Variants in RPL31 observed in about 807,000 individuals in gnomAD.
RPL31 encodes the protein ribosomal protein L31.
For missense variants in RPL31, 95 were observed against 164.0 expected, an observed-to-expected ratio of 0.58 and a Z score of 2.30; for synonymous variants, 51 against 55.0, an observed-to-expected ratio of 0.93 and a Z score of 0.32.
At chr2:101,012,915 G>T (rs1178505950) in intron 4 of RPL31, among the ~76,000 whole-genome samples, 1 of 152,210 alleles carries the variant, frequency 6.6e-6, no homozygotes, top group Non-Finnish European at 1.5e-5. Flanking sequence ...AGTGGCACAT[G>T]TAAGAATCCA....
chr2:101,011,541 C>T (rs1327797143), downstream of RPL31: 1 of 1,613,678 alleles, frequency 6.2e-7, no homozygotes, highest in Non-Finnish European at 8.5e-7. Flanking sequence ...TCAGTGAGTG[C>T]TTAAAAAAAG....
At chr2:101,018,841 G>T (rs1271272254) in intron 4 of RPL31, among the ~76,000 whole-genome samples, 1 of 152,170 alleles carries the variant, frequency 6.6e-6, no homozygotes, top group African/African-American at 2.4e-5. Context: ...GTTCTCCTCT[G>T]AAAGTCCAAT....
At chr2:101,013,012 G>A (rs997842329) in intron 4 of RPL31, among the ~76,000 whole-genome samples, 1 of 152,196 alleles carries the variant, frequency 6.6e-6, no homozygotes, top group Admixed American at 6.5e-5. Context: ...ATAGTGCTGG[G>A]ATGCCAAAGA....
chr2:101,002,490 G>C, intron 1 of RPL31, 175 bp downstream of exon 1: 1 of 605,500 alleles, frequency 1.7e-6, no homozygotes, highest in Non-Finnish European at 3.0e-6. Flanking sequence ...AAGTGACCAG[G>C]CTTAGGGGAG....
chr2:101,011,376 G>T (rs2105360053), downstream of RPL31: 1 of 1,434,954 alleles, frequency 7.0e-7, no homozygotes. Flanking sequence ...CAAGAAGAGG[G>T]ATGAGGGCAA....
downstream of RPL31, among the ~76,000 whole-genome samples, chr2:101,009,785 C>CCAAATGGTTA (rs1333630390): frequency 6.6e-6 from 1 of 151,426 alleles, no homozygotes; most frequent in Non-Finnish European, 1.5e-5. Flanking sequence ...TCGTAGTCCA[C>CCAAATGGTTA]AGCACCAAAA....
intron 3 of RPL31, 109 bp from the exon 4 acceptor site, chr2:101,005,850 G>A: frequency 1.1e-6 from 1 of 926,350 alleles, no homozygotes; most frequent in East Asian, 2.6e-5. Flanking sequence ...GGTCAGAGTA[G>A]AGCAAAGGAC....
intron 4 of RPL31, among the ~76,000 whole-genome samples, chr2:101,014,504 T>C (rs985679694): frequency 6.6e-6 from 1 of 152,208 alleles, no homozygotes; most frequent in Admixed American, 6.5e-5. Context: ...TTCAAAGTCA[T>C]TGTCTCCTCC....
chr2:101,007,943 A>AGTT (rs2105353529), downstream of RPL31: 1 of 1,614,078 alleles, frequency 6.2e-7, no homozygotes, highest in Non-Finnish European at 8.5e-7. Context: ...TTTTCAAAAA[A>AGTT]GTTGACTAAT....
chr2:101,016,593 T>G (rs1176314625), intron 4 of RPL31, among the ~76,000 whole-genome samples: 1 of 152,126 alleles, frequency 6.6e-6, no homozygotes, highest in East Asian at 1.9e-4. Context: ...CAAAGGACTA[T>G]AAATCATGCT....
chr2:101,019,520 G>C (rs1415552487), exon 5 of RPL31: 1 of 152,868 alleles, frequency 6.5e-6, no homozygotes. Flanking sequence ...TTTTCTTAAG[G>C]CTTTTTTAAC....
At chr2:101,013,207 C>G (rs1360393039) in intron 4 of RPL31, among the ~76,000 whole-genome samples, 5 of 152,162 alleles carry the variant, frequency 3.3e-5, no homozygotes, top group Non-Finnish European at 4.4e-5. Flanking sequence ...CCAACCTCTG[C>G]CGTCACAGCA....
At position 101,006,802 on chromosome 2, in the gene RPL31, T is replaced by C. The variant is rs1469832855; in HGVS notation, c.*421T>C. ...GAAATTAATGTGGCAGTAGGTCTTT[T>C]AAGCTTCTGCCTACATCCATATTGA... is the stretch of plus-strand genomic sequence containing the variant. On this transcript the variant is annotated 3_prime_UTR_variant, in exon 5 of 5. Transcript: ENST00000264258. The C allele has an allele frequency of 6.2e-6, 1 of 160,044 alleles. No homozygotes were observed. Among genetic ancestry groups the C allele is most frequent in the Non-Finnish European group, 1.4e-5 (1 of 73,644 alleles). The allele number at this position is 160,044 out of a possible 1,614,324, so 9.9% of individuals were successfully genotyped here.
chr2:101,004,476 A>G, intron 3 of RPL31, 193 bp downstream of exon 3: 1 of 577,632 alleles, frequency 1.7e-6, no homozygotes, highest in Non-Finnish European at 3.0e-6. Context: ...TTATGAACTG[A>G]GACCCAAGGG....
rs1678642818 is a variant in RPL31, at chr2:101,004,400, A to G, written c.233+117A>G. 4 of 1,089,036 alleles carry G rather than the reference A, an allele frequency of 3.7e-6. No homozygotes were observed. The African/African-American group carries it at 6.3e-5, about 17-fold the overall frequency. The allele number at this position is 1,089,036 out of a possible 1,614,324, so 67.5% of individuals were successfully genotyped here. A position where few individuals can be genotyped will look rare whatever the true frequency, so the allele number is the denominator to read the frequency against. The stretch of plus-strand genomic sequence containing the variant: ...GTTAATGCATGTGGAAGTATAAAAA[A>G]AAAAAATACTGTGACCGTGACTTAG... On this transcript the variant is annotated intron_variant, in intron 3 of 4. Coordinates refer to ENST00000264258, the MANE Select transcript of RPL31 (RefSeq NM_000993.5).
exon 5 of RPL31, chr2:101,019,104 C>T (rs373097611): frequency 7.6e-6 from 12 of 1,569,188 alleles, no homozygotes; most frequent in African/African-American, 1.3e-5. Flanking sequence ...TGAGCTGCAG[C>T]AGATGCCTTT....
intron 4 of RPL31, among the ~76,000 whole-genome samples, chr2:101,015,099 C>T (rs534697907): frequency 1.3e-5 from 2 of 152,204 alleles, no homozygotes; most frequent in South Asian, 4.1e-4. Flanking sequence ...CTACACACCT[C>T]GCCTATAAAG....
intron 4 of RPL31, among the ~76,000 whole-genome samples, chr2:101,013,512 A>C (rs933870233): frequency 9.2e-5 from 14 of 152,220 alleles, no homozygotes. Flanking sequence ...CCCAAGTTAA[A>C]ATAAGATAAA....
downstream of RPL31, chr2:101,008,348 G>A: frequency 3.4e-6 from 4 of 1,184,048 alleles, no homozygotes; most frequent in Non-Finnish European, 3.4e-6. Context: ...ACATACCTGT[G>A]AGCTTTGAGA....
Sources: allele counts gnomAD v4.1 joint callset (sites outside exome capture counted in the v4.1 genomes callset), GRCh38; gene constraint gnomAD v4.1.1; transcripts MANE v1.5; gene names NCBI Gene and HGNC (gene_info 2026-07-23, HGNC 2026-07-21).